Variants in HK1 observed in about 807,000 individuals in gnomAD.
HK1 encodes the protein hexokinase 1, also known as hexokinase-1.
In HK1, 28 loss-of-function variants were observed where a neutral mutation model predicts 91.6. That is an observed-to-expected ratio of 0.31 (90% CI 0.23 to 0.42). HK1 has a LOEUF of 0.42. Ranked by LOEUF, HK1 falls within the 10% of genes least tolerant of loss-of-function variation. The probability of loss-of-function intolerance (pLI) is 1.00; values close to 1 mark genes in which losing one functional copy is unlikely to be tolerated. For synonymous variants in HK1, 430 were observed against 468.1 expected (o/e 0.92, Z 1.05); for missense variants, 770 against 1,219.8 (o/e 0.63, Z 5.49).
intron 2 of HK1, among the ~76,000 whole-genome samples, chr10:69,287,225 G>C (rs563211613): frequency 3.9e-5 from 6 of 152,186 alleles, no homozygotes; most frequent in Non-Finnish European, 7.3e-5. Flanking sequence ...GGAAGGCAAA[G>C]GGGAAGCAAG....
intron 5 of HK1, among the ~76,000 whole-genome samples, chr10:69,307,307 C>T (rs1354655209): frequency 6.6e-6 from 1 of 152,068 alleles, no homozygotes; most frequent in Admixed American, 6.6e-5. Flanking sequence ...CAACTTCTTC[C>T]ATAACCCACT....
At position 69,369,725 on chromosome 10, in the gene HK1, A is replaced by G; in HGVS notation, c.875+101A>G. ...GAAAAGGGCATAAAGCCAAGTGATC[A>G]CAAACAGAAAAGCCTGTCACATTTT... On this transcript the variant is annotated intron_variant, in intron 7 of 17. Transcript: ENST00000359426. The surrounding 1 kb of genome is among the most constrained non-coding windows in gnomAD (Gnocchi z 4.4). 1 of 1,156,804 alleles carries G rather than the reference A, an allele frequency of 8.6e-7. No homozygotes were observed. The highest frequency in any genetic ancestry group is 1.5e-5 in the African/African-American group (1 of 65,356). The allele number at this position is 1,156,804 out of a possible 1,614,324, so 71.7% of individuals were successfully genotyped here.
chr10:69,363,183 C>T (rs1039606809), intron 3 of HK1, among the ~76,000 whole-genome samples: 2 of 152,160 alleles, frequency 1.3e-5, no homozygotes, highest in African/African-American at 4.8e-5. Context: ...GGCTGTGTCA[C>T]TGCCATGTGT....
rs112902742 is a variant in HK1, at chr10:69,360,784, GC to G, written c.375+742del. 4.2e-4 allele frequency among the ~76,000 whole-genome samples: 64 copies of G among 152,282 alleles called. 1 individual carries two copies. Among genetic ancestry groups the G allele is most frequent in the African/African-American group, 1.5e-3 (63 of 41,564 alleles). ...GGACCCTGTGATCAGGGCTCAGGCA[GC>G]CCACTGCAGGTTTTCAGTCATTTCT... On this transcript the variant is annotated intron_variant, in intron 3 of 17. Coordinates refer to ENST00000359426, the MANE Select transcript of HK1 (RefSeq NM_000188.3).
upstream of HK1, among the ~76,000 whole-genome samples, chr10:69,314,073 C>T (rs942155751): frequency 3.9e-5 from 6 of 152,312 alleles, no homozygotes; most frequent in South Asian, 2.1e-4. Flanking sequence ...CTGTCTGCAA[C>T]GCTGATGGAG....
chr10:69,322,967 G>T (rs1847131316), intron 1 of HK1, among the ~76,000 whole-genome samples: 1 of 151,354 alleles, frequency 6.6e-6, no homozygotes, highest in African/African-American at 2.4e-5. Flanking sequence ...GAAAAATCTG[G>T]CTGGGCACAG....
intron 1 of HK1, among the ~76,000 whole-genome samples, chr10:69,279,976 A>G (rs1475026750): frequency 1.3e-5 from 2 of 152,220 alleles, no homozygotes; most frequent in African/African-American, 4.8e-5. Flanking sequence ...TGTCTTCACT[A>G]AGAACCACCC....
intron 2 of HK1, chr10:69,288,551 A>T (rs1845135654): frequency 1.5e-6 from 1 of 678,776 alleles, no homozygotes; most frequent in Admixed American, 2.4e-5. Context: ...TACTCTAGAA[A>T]TGTGTCTGCA....
At chr10:69,349,248 C>G (rs66866858) in intron 2 of HK1, among the ~76,000 whole-genome samples, 10,962 of 152,186 alleles carry the variant, frequency 0.072, 701 homozygotes, top group African/African-American at 0.16. Context: ...ACCTGTGTGA[C>G]CTTGGAGAAG....
At chr10:69,356,279 T>G (rs995079548) in intron 2 of HK1, among the ~76,000 whole-genome samples, 7 of 150,760 alleles carry the variant, frequency 4.6e-5, no homozygotes, top group Non-Finnish European at 1.0e-4. Flanking sequence ...TAAAAAAAAT[T>G]AAAAATTAGC....
chr10:69,314,102 C>A (rs1390908384), upstream of HK1, among the ~76,000 whole-genome samples: 1 of 152,194 alleles, frequency 6.6e-6, no homozygotes, highest in Non-Finnish European at 1.5e-5. Flanking sequence ...ACCTTCACCC[C>A]ACTGAGCTCA....
intron 1 of HK1, chr10:69,271,172 T>G (rs1844140129): frequency 6.6e-6 from 1 of 152,236 alleles, no homozygotes; most frequent in South Asian, 2.1e-4. Flanking sequence ...AGGAACAAGG[T>G]GACGACTGTT....
chr10:69,302,898 T>C (rs145814861), intron 5 of HK1, among the ~76,000 whole-genome samples: 138 of 152,256 alleles, frequency 9.1e-4, no homozygotes, highest in Middle Eastern at 3.4e-3. Context: ...TCAAGGATGA[T>C]GGCAGATTTT....
rs141800781 is a variant in HK1 at position 69,394,837 on chromosome 10, G to A, written c.2220-113G>A. On this transcript the variant is annotated intron_variant, in intron 15 of 17. Coordinates refer to ENST00000359426, the MANE Select transcript of HK1 (RefSeq NM_000188.3). The stretch of plus-strand genomic sequence containing the variant: ...AGAGCACAGGGCTGGGCACATGGCT[G>A]TTGATGATGCGCTTGAGGGGCAGTA... 1,650 of 1,059,026 alleles carry A rather than the reference G, an allele frequency of 1.6e-3. 9 individuals are homozygous for A. Among genetic ancestry groups the A allele is most frequent in the Middle Eastern group, 0.015 (53 of 3,450 alleles). 65.6% of individuals were successfully genotyped at this position (1,059,026 alleles called of 1,614,324 possible). A position where few individuals can be genotyped will look rare whatever the true frequency, so the allele number is the denominator to read the frequency against.
chr10:69,325,248 T>A (rs796794984), intron 1 of HK1, among the ~76,000 whole-genome samples: 7 of 151,632 alleles, frequency 4.6e-5, no homozygotes, highest in African/African-American at 1.7e-4. Context: ...AGACGGGGTT[T>A]CACTGTATTA....
exon 3 of HK1, chr10:69,288,711 A>G: frequency 6.2e-7 from 1 of 1,611,578 alleles, no homozygotes; most frequent in Non-Finnish European, 8.5e-7. Flanking sequence ...AAGCAGAAGA[A>G]AGGACCCGAG....
At chr10:69,337,386 A>G (rs1848043865) in intron 1 of HK1, among the ~76,000 whole-genome samples, 1 of 152,184 alleles carries the variant, frequency 6.6e-6, no homozygotes, top group East Asian at 1.9e-4. Flanking sequence ...ACTGGGCTGC[A>G]GTGACAGGAG....
At chr10:69,301,138 C>T (rs184408959) in intron 5 of HK1, among the ~76,000 whole-genome samples, 7 of 149,244 alleles carry the variant, frequency 4.7e-5, no homozygotes, top group Non-Finnish European at 5.9e-5. Flanking sequence ...CCCAGCTACT[C>T]GGGAGGCTGA....
Position 69,332,018 on chromosome 10 carries a change from C to T in HK1, c.64-11809C>T, listed in dbSNP as rs181654182. On this transcript the variant is annotated intron_variant, in intron 1 of 17. Coordinates refer to ENST00000359426, the MANE Select transcript of HK1 (RefSeq NM_000188.3). ...TTTGATTGTTTGAGGCTGCAATGAG[C>T]CTTGATTGCACCACTGCACTCCATT... Among the ~76,000 whole-genome samples the T allele has an allele frequency of 2.4e-4, 37 of 152,282 alleles. No homozygotes were observed. The East Asian group carries it at 5.4e-3, about 22-fold the overall frequency.
Sources: gnomAD v4.1 joint callset for allele counts (sites outside exome capture counted in the v4.1 genomes callset) on GRCh38, gnomAD v4.1.1 for gene constraint, Gnocchi (gnomAD v3.1) non-coding constraint, MANE v1.5 for transcripts, NCBI Gene and HGNC (gene_info 2026-07-23, HGNC 2026-07-21) for gene names.